Variants in FAF1 observed in about 807,000 individuals in gnomAD.
The protein encoded by FAF1 is FAS-associated factor 1.
Under a neutral mutation model 92.5 loss-of-function variants are expected in FAF1, and 25 were observed. The ratio of observed to expected loss-of-function variants is 0.27; its 90% CI spans 0.20 to 0.38. FAF1 has a LOEUF of 0.38. Among genes scored for constraint, FAF1 ranks in the 10% least tolerant of loss-of-function variants. The pLI is 1.00. For missense variants in FAF1, 636 were observed against 793.3 expected, an observed-to-expected ratio of 0.80 and a Z score of 2.38; for synonymous variants, 234 against 273.2, an observed-to-expected ratio of 0.86 and a Z score of 1.42.
At chr1:50,624,938 G>A (rs533811389) in intron 8 of FAF1, among the ~76,000 whole-genome samples, 63 of 99,438 alleles carry the variant, frequency 6.3e-4, no homozygotes, top group African/African-American at 2.2e-3. Context: ...TTTTGCTCTT[G>A]TTGCCCAGGC....
chr1:50,701,601 G>C (rs1400231373), intron 7 of FAF1, among the ~76,000 whole-genome samples: 3 of 152,094 alleles, frequency 2.0e-5, no homozygotes, highest in Non-Finnish European at 2.9e-5. Context: ...AAAGTAGCAA[G>C]TAGAATAATA....
At chr1:50,796,226 C>T (rs1661745773) in intron 3 of FAF1, among the ~76,000 whole-genome samples, 1 of 152,188 alleles carries the variant, frequency 6.6e-6, no homozygotes, top group East Asian at 1.9e-4. Flanking sequence ...CACACACACA[C>T]ACCCCTATCT....
At chr1:50,759,750 T>C (rs1028390743) in intron 4 of FAF1, among the ~76,000 whole-genome samples, 1 of 152,204 alleles carries the variant, frequency 6.6e-6, no homozygotes, top group African/African-American at 2.4e-5. Context: ...ATGGTTGAAC[T>C]AGTTTACAGT....
At chr1:50,729,064 T>A (rs1477286879) in intron 6 of FAF1, among the ~76,000 whole-genome samples, 1 of 135,524 alleles carries the variant, frequency 7.4e-6, no homozygotes. Flanking sequence ...ATATATTTTT[T>A]TTTTTTTTGA....
At chr1:50,752,904 G>A (rs540783584) in intron 4 of FAF1, among the ~76,000 whole-genome samples, 93 of 152,096 alleles carry the variant, frequency 6.1e-4, no homozygotes, top group African/African-American at 2.2e-3. Context: ...GGCTGGTCTC[G>A]AACTCCTGAC....
chr1:50,480,707 A>T (rs1042901746), intron 17 of FAF1, among the ~76,000 whole-genome samples: 2 of 152,252 alleles, frequency 1.3e-5, no homozygotes, highest in African/African-American at 4.8e-5. Context: ...TCGTAAGATT[A>T]TAACGGAGCT....
chr1:50,681,448 G>A (rs1463067323), intron 7 of FAF1, among the ~76,000 whole-genome samples: 1 of 151,894 alleles, frequency 6.6e-6, no homozygotes, highest in Non-Finnish European at 1.5e-5. Flanking sequence ...AATACATATT[G>A]GAGCTCTTAT....
chr1:50,671,522 T>A (rs1035834625), intron 7 of FAF1, among the ~76,000 whole-genome samples: 1 of 152,208 alleles, frequency 6.6e-6, no homozygotes, highest in Non-Finnish European at 1.5e-5. Context: ...TTACATTGAA[T>A]TAGATGTTAC....
intron 1 of FAF1, among the ~76,000 whole-genome samples, chr1:50,894,401 C>T (rs1644743159): frequency 1.3e-5 from 2 of 151,304 alleles, no homozygotes; most frequent in African/African-American, 4.9e-5. Context: ...GGACAGTGGG[C>T]TCCCCACTCT....
At chr1:50,572,704 A>G (rs1379752453) in intron 12 of FAF1, among the ~76,000 whole-genome samples, 1 of 152,172 alleles carries the variant, frequency 6.6e-6, no homozygotes, top group Non-Finnish European at 1.5e-5. Context: ...TGGGTGGCAT[A>G]CAGTTCTGAA....
chr1:50,840,354 G>A (rs1035027697), intron 2 of FAF1, among the ~76,000 whole-genome samples: 8 of 151,838 alleles, frequency 5.3e-5, no homozygotes, highest in African/African-American at 1.9e-4. Flanking sequence ...CTACAAATAC[G>A]TGACAAAAGA....
chr1:50,779,749 T>C (rs1661093964), intron 4 of FAF1, among the ~76,000 whole-genome samples: 1 of 151,918 alleles, frequency 6.6e-6, no homozygotes, highest in South Asian at 2.1e-4. Flanking sequence ...CATATAACTA[T>C]AAGATGTCTT....
chr1:50,553,737 G>C (rs1649420879), intron 13 of FAF1, among the ~76,000 whole-genome samples: 1 of 152,040 alleles, frequency 6.6e-6, no homozygotes, highest in South Asian at 2.1e-4. Flanking sequence ...AGGGAAAATA[G>C]GAAAAATGAG....
At chr1:50,462,257 T>A (rs1345388997) in intron 18 of FAF1, 1 of 151,962 alleles carries the variant, frequency 6.6e-6, no homozygotes, top group Non-Finnish European at 1.5e-5. Flanking sequence ...ATCACATATA[T>A]ATGAATGAAA....
At chr1:50,465,271 A>G (rs1267596891) in intron 18 of FAF1, among the ~76,000 whole-genome samples, 1 of 152,148 alleles carries the variant, frequency 6.6e-6, no homozygotes, top group Non-Finnish European at 1.5e-5. Context: ...TGCTTCTTTG[A>G]GCTTTTGATT....
chr1:50,806,270 T>C (rs1308610478), intron 2 of FAF1, among the ~76,000 whole-genome samples: 1 of 152,160 alleles, frequency 6.6e-6, no homozygotes, highest in East Asian at 1.9e-4. Flanking sequence ...CATAAAAAGA[T>C]ATTCAAATTA....
At chr1:50,879,887 A>G (rs1644598136) in intron 1 of FAF1, among the ~76,000 whole-genome samples, 1 of 152,256 alleles carries the variant, frequency 6.6e-6, no homozygotes, top group African/African-American at 2.4e-5. Flanking sequence ...CAGAAGAAGT[A>G]GGATGATAAG....
intron 7 of FAF1, among the ~76,000 whole-genome samples, chr1:50,686,923 G>A (rs1656689144): frequency 1.3e-5 from 2 of 152,040 alleles, no homozygotes; most frequent in Non-Finnish European, 2.9e-5. Flanking sequence ...CTGCCTCCCG[G>A]GTTCAAGCGA....
chr1:50,522,076 T>C lies in FAF1; in HGVS notation c.1494+13293A>G, dbSNP rs190650520. 4.6e-5 allele frequency among the ~76,000 whole-genome samples: 7 copies of C among 152,330 alleles called. 1 individual carries two copies. The highest frequency in any genetic ancestry group is 3.9e-4 in the Admixed American group (6 of 15,298). ...GATATATCTTTTTAAAAGTGAGCAT[T>C]ATTCCATGCACAAAAGTAGAAGTAC... On this transcript the variant is annotated intron_variant, in intron 15 of 18. Transcript: ENST00000396153.
Sources: allele counts gnomAD v4.1 joint callset (sites outside exome capture counted in the v4.1 genomes callset), GRCh38; gene constraint gnomAD v4.1.1; transcripts MANE v1.5; gene names NCBI Gene and HGNC (gene_info 2026-07-23, HGNC 2026-07-21).